ZDHHC17: variants seen among roughly 807,000 people sequenced by gnomAD.
ZDHHC17 encodes the protein zDHHC palmitoyltransferase 17.
Under a neutral mutation model 90.3 loss-of-function variants are expected in ZDHHC17, and 40 were observed. The observed-to-expected ratio is 0.44, with a 90% CI of 0.34 to 0.58. The LOEUF (loss-of-function observed/expected upper bound fraction) is 0.58, where lower values mean the gene tolerates loss of function less well. ZDHHC17 is among the 20% of genes least tolerant of loss of function. The pLI, the probability that ZDHHC17 is intolerant of heterozygous loss-of-function variation, is 0.01. For synonymous variants in ZDHHC17, 235 were observed against 252.4 expected (o/e 0.93, Z 0.65); for missense variants, 614 against 780.8 (o/e 0.79, Z 2.55).
chr12:76,774,575 G>A (rs1385195826), intron 1 of ZDHHC17, among the ~76,000 whole-genome samples: 2 of 152,100 alleles, frequency 1.3e-5, no homozygotes, highest in Non-Finnish European at 2.9e-5. Flanking sequence ...ATTTGTTACT[G>A]GACCACATTC....
At chr12:76,772,796 C>T (rs1193562655) in intron 1 of ZDHHC17, among the ~76,000 whole-genome samples, 5 of 151,602 alleles carry the variant, frequency 3.3e-5, no homozygotes, top group Non-Finnish European at 7.4e-5. Context: ...CCACCCGCCT[C>T]GGCCTCCCAA....
At chr12:76,775,456 G>A (rs922216051) in intron 1 of ZDHHC17, among the ~76,000 whole-genome samples, 4 of 152,092 alleles carry the variant, frequency 2.6e-5, no homozygotes, top group Non-Finnish European at 5.9e-5. Context: ...ACAAGTTTTA[G>A]CAATACAGTA....
intron 1 of ZDHHC17, among the ~76,000 whole-genome samples, chr12:76,780,688 T>G (rs1348238567): frequency 6.6e-6 from 1 of 152,236 alleles, no homozygotes; most frequent in Non-Finnish European, 1.5e-5. Flanking sequence ...ATCCAATGAT[T>G]ACTTGCAGTC....
At chr12:76,841,527 T>A (rs1393077971) in intron 10 of ZDHHC17, among the ~76,000 whole-genome samples, 1 of 152,166 alleles carries the variant, frequency 6.6e-6, no homozygotes, top group African/African-American at 2.4e-5. Context: ...CAAGCTTATA[T>A]TTTTTCTGAA....
intron 1 of ZDHHC17, 146 bp downstream of exon 1, chr12:76,764,475 G>A: frequency 1.4e-6 from 1 of 723,564 alleles, no homozygotes; most frequent in Non-Finnish European, 2.2e-6. Context: ...AGGCCTGAGC[G>A]CGGCTGCGAG....
At chr12:76,812,672 C>T (rs7306096) in intron 5 of ZDHHC17, among the ~76,000 whole-genome samples, 90,506 of 151,886 alleles carry the variant, frequency 0.6, 26,992 homozygotes, top group East Asian at 0.67. Context: ...AGATGAGGCT[C>T]TCAGCATATT....
chr12:76,810,330 T>G (rs1953004690), intron 5 of ZDHHC17, among the ~76,000 whole-genome samples: 1 of 152,144 alleles, frequency 6.6e-6, no homozygotes. Context: ...CTGATTTTTC[T>G]TGAGTGTGCA....
At chr12:76,822,807 C>T (rs186956785) in intron 8 of ZDHHC17, among the ~76,000 whole-genome samples, 1 of 152,050 alleles carries the variant, frequency 6.6e-6, no homozygotes, top group East Asian at 1.9e-4. Context: ...TCAGGTGATA[C>T]TCCCACCTCG....
At chr12:76,820,326 T>C (rs1348393377) in intron 7 of ZDHHC17, among the ~76,000 whole-genome samples, 1 of 152,152 alleles carries the variant, frequency 6.6e-6, no homozygotes, top group African/African-American at 2.4e-5. Context: ...AAACAAATGA[T>C]TTGGAATACT....
At chr12:76,764,433 G>A in intron 1 of ZDHHC17, 104 bp downstream of exon 1, 1 of 1,122,386 alleles carries the variant, frequency 8.9e-7, no homozygotes, top group Non-Finnish European at 1.3e-6. Flanking sequence ...AGTGGGACGT[G>A]CCGAAGTTGG....
Position 76,764,283 on chromosome 12 carries a change from A to C in ZDHHC17, c.47A>C (p.Asp16Ala), listed in dbSNP as rs774764015. 5 of 1,607,212 alleles carry C rather than the reference A, an allele frequency of 3.1e-6. No individual in the cohort carries two copies. The highest frequency in any genetic ancestry group is 2.7e-5 in the African/African-American group (2 of 74,732). Residue 16 changes from aspartate (D) to alanine (A), a missense_variant, in exon 1 of 17, where the codon GAT (aspartate) becomes GCT (alanine). Transcript: ENST00000426126. ...GFNTKMADGP[D>A]EYDTEAGCVP... ...AACACCAAGATGGCGGACGGCCCGGATGAGTACGATACCGAAGCGGGCTGT... is the reference window on the plus strand; with the variant it reads ...AACACCAAGATGGCGGACGGCCCGGCTGAGTACGATACCGAAGCGGGCTGT...
Position 76,819,469 on chromosome 12 carries a change from G to T in ZDHHC17, c.772-2937G>T, listed in dbSNP as rs1210481247. Among the ~76,000 whole-genome samples the T allele has an allele frequency of 2.6e-5, 4 of 152,160 alleles. No individual in the cohort carries two copies. In the South Asian group the frequency reaches 8.3e-4, roughly 32 times the overall value. Reference sequence around the variant, plus strand: ...TGCAAATCTGGCTATGGCTTTAATAGCTATAAAAAGTTATATTTTTCAAAG... The same window carrying T: ...TGCAAATCTGGCTATGGCTTTAATATCTATAAAAAGTTATATTTTTCAAAG... On this transcript the variant is annotated intron_variant, in intron 7 of 16. Transcript: ENST00000426126.
At chr12:76,785,142 T>A (rs566229747) in intron 1 of ZDHHC17, among the ~76,000 whole-genome samples, 1 of 152,206 alleles carries the variant, frequency 6.6e-6, no homozygotes, top group Non-Finnish European at 1.5e-5. Flanking sequence ...TCCTTCTAAC[T>A]TCTTTTTGTT....
At chr12:76,773,800 T>A (rs1038896076) in intron 1 of ZDHHC17, among the ~76,000 whole-genome samples, 4 of 152,208 alleles carry the variant, frequency 2.6e-5, no homozygotes, top group Non-Finnish European at 5.9e-5. Flanking sequence ...CTAAAGGAAC[T>A]AGGGGAGGAT....
intron 10 of ZDHHC17, 119 bp from the exon 11 acceptor site, chr12:76,841,863 G>A: frequency 2.9e-6 from 2 of 694,356 alleles, no homozygotes; most frequent in Non-Finnish European, 4.0e-6. Flanking sequence ...TAAACATAAT[G>A]CAGAACAGTT....
chr12:76,788,688 A>ATATTTTTTTTTTTTTTTTTTTTTTTTTTT lies in ZDHHC17; in HGVS notation c.94-8745_94-8744insATTTTTTTTTTTTTTTTTTTTTTTTTTTT, dbSNP rs61663401. Among the ~76,000 whole-genome samples, 18 of 98,666 alleles carry ATATTTTTTTTTTTTTTTTTTTTTTTTTTT rather than the reference A, an allele frequency of 1.8e-4. 3 individuals carry two copies. Among genetic ancestry groups the ATATTTTTTTTTTTTTTTTTTTTTTTTTTT allele is most frequent in the African/African-American group, 4.4e-4 (11 of 25,134 alleles). The allele number at this position is 98,666 out of a possible 152,430, so 64.7% of individuals were successfully genotyped here. Reference sequence around the variant, plus strand: ...AAAATATATTTAAGTTGGAATCGCAATTTTTTTTTTTTTTTTTTTTTTTTT... The same window carrying ATATTTTTTTTTTTTTTTTTTTTTTTTTTT: ...AAAATATATTTAAGTTGGAATCGCAATATTTTTTTTTTTTTTTTTTTTTTTTTTTTTTTTTTTTTTTTTTTTTTTTTTTT... On this transcript the variant is annotated intron_variant, in intron 1 of 16. Coordinates refer to ENST00000426126, the MANE Select transcript of ZDHHC17 (RefSeq NM_015336.4).
At chr12:76,829,327 C>A (rs368572763) in intron 10 of ZDHHC17, among the ~76,000 whole-genome samples, 2 of 151,632 alleles carry the variant, frequency 1.3e-5, no homozygotes, top group Non-Finnish European at 2.9e-5. Flanking sequence ...TGTGGTGGCA[C>A]GTGCCTGTAT....
chr12:76,809,704 A>G lies in ZDHHC17; in HGVS notation c.399-9A>G. On this transcript the variant is annotated splice_polypyrimidine_tract_variant and intron_variant, in intron 4 of 16. Transcript: ENST00000426126. ...TATATATCTAAGTGTTTATTCTTTT[A>G]TGTTTTAGACAAGGCCATCTATCCA... 6.9e-7 allele frequency: 1 copy of G among 1,449,926 alleles called. No individual in the cohort carries two copies. The highest frequency in any genetic ancestry group is 9.1e-7 in the Non-Finnish European group (1 of 1,101,502). 89.8% of individuals were successfully genotyped at this position (1,449,926 alleles called of 1,614,324 possible).
At chr12:76,796,262 T>C (rs1480282150) in intron 1 of ZDHHC17, among the ~76,000 whole-genome samples, 1 of 152,184 alleles carries the variant, frequency 6.6e-6, no homozygotes, top group Admixed American at 6.5e-5. Flanking sequence ...TTTATCCTTT[T>C]ATTTATATTT....
Sources: allele counts gnomAD v4.1 joint callset (sites outside exome capture counted in the v4.1 genomes callset), GRCh38; gene constraint gnomAD v4.1.1; transcripts MANE v1.5; gene names NCBI Gene and HGNC (gene_info 2026-07-23, HGNC 2026-07-21).